The following PHF21A variants were observed in gnomAD, a reference collection of about 807,000 sequenced individuals.
PHF21A encodes PHD finger protein 21A, also known as BHC80a.
In PHF21A, 11 loss-of-function variants were observed where a neutral mutation model predicts 82.5. The ratio of observed to expected loss-of-function variants is 0.13; its 90% CI spans 0.08 to 0.22. The LOEUF is 0.22. Ranked by LOEUF, PHF21A falls within the 10% of genes least tolerant of loss-of-function variation. The pLI is 1.00. For synonymous variants in PHF21A, 297 were observed against 302.8 expected (o/e 0.98, Z 0.20); for missense variants, 579 against 837.8 (o/e 0.69, Z 3.81).
chr11:46,068,136 A>G (rs757845246), intron 6 of PHF21A, among the ~76,000 whole-genome samples: 1 of 152,176 alleles, frequency 6.6e-6, no homozygotes, highest in Non-Finnish European at 1.5e-5. Context: ...TGCTAAAGGT[A>G]TCAGTGCTAA....
At chr11:45,985,262 G>A (rs1025118638) in intron 6 of PHF21A, among the ~76,000 whole-genome samples, 2 of 152,238 alleles carry the variant, frequency 1.3e-5, no homozygotes, top group African/African-American at 4.8e-5. Context: ...GAAGGAGACA[G>A]GGCAGTCTTC....
chr11:46,110,988 TTG>T (rs1170899119), intron 1 of PHF21A, among the ~76,000 whole-genome samples: 1 of 151,478 alleles, frequency 6.6e-6, no homozygotes. Flanking sequence ...TTTTGCCATG[TTG>T]GCCAGGCTGG....
At chr11:46,104,891 G>A (rs2097137181) in intron 1 of PHF21A, among the ~76,000 whole-genome samples, 1 of 152,140 alleles carries the variant, frequency 6.6e-6, no homozygotes, top group African/African-American at 2.4e-5. Context: ...AACTTTAAGT[G>A]GTTATACTGA....
At chr11:46,033,566 T>C (rs150178295) in intron 6 of PHF21A, among the ~76,000 whole-genome samples, 1,751 of 152,280 alleles carry the variant, frequency 0.011, 29 homozygotes, top group African/African-American at 0.04. Flanking sequence ...GCTTAGCCCA[T>C]TTTCTGTTAT....
intron 1 of PHF21A, among the ~76,000 whole-genome samples, chr11:46,118,516 A>G (rs1170340824): frequency 6.6e-6 from 1 of 152,126 alleles, no homozygotes; most frequent in Non-Finnish European, 1.5e-5. Flanking sequence ...TCTTCACTTA[A>G]GGATAGTTGT....
Position 46,004,213 on chromosome 11 carries a change from G to A in PHF21A, c.154-24247C>T, listed in dbSNP as rs147282132. Among the ~76,000 whole-genome samples, 652 of 152,044 alleles carry A rather than the reference G, an allele frequency of 4.3e-3. 3 individuals carry two copies. The highest frequency in any genetic ancestry group is 7.0e-3 in the Non-Finnish European group (474 of 67,930). ...TTAAAATCATTGAATTATGCATACT[G>A]GTAAGAAATTTCATCCAATGTTCAT... On this transcript the variant is annotated intron_variant, in intron 6 of 18. Coordinates refer to ENST00000676320, the MANE Select transcript of PHF21A (RefSeq NM_001352027.3).
intron 6 of PHF21A, among the ~76,000 whole-genome samples, chr11:46,073,274 G>C (rs1239702816): frequency 6.6e-6 from 1 of 151,106 alleles, no homozygotes; most frequent in Non-Finnish European, 1.5e-5. Flanking sequence ...CTTGCAGTGA[G>C]CCAAGACAGC....
At chr11:46,111,730 G>GCCA (rs1214281708) in intron 1 of PHF21A, among the ~76,000 whole-genome samples, 1 of 152,108 alleles carries the variant, frequency 6.6e-6, no homozygotes, top group Non-Finnish European at 1.5e-5. Context: ...AAAGGAACCA[G>GCCA]CCATGCAAAT....
intron 6 of PHF21A, among the ~76,000 whole-genome samples, chr11:46,048,801 G>A (rs1372005877): frequency 6.6e-6 from 1 of 151,740 alleles, no homozygotes; most frequent in Non-Finnish European, 1.5e-5. Flanking sequence ...TTGTTTGAAC[G>A]TATGCTTTCA....
intron 6 of PHF21A, among the ~76,000 whole-genome samples, chr11:46,054,153 A>C: frequency 6.6e-6 from 1 of 152,340 alleles, no homozygotes; most frequent in South Asian, 2.1e-4. Context: ...TACACTAGTA[A>C]AAGTTGTATT....
chr11:46,022,455 T>C (rs1403912250), intron 6 of PHF21A, among the ~76,000 whole-genome samples: 1 of 151,876 alleles, frequency 6.6e-6, no homozygotes, highest in Admixed American at 6.5e-5. Context: ...ACCCTGTCTC[T>C]TAAAAAAAAA....
chr11:45,989,439 G>A (rs2094601213), intron 6 of PHF21A, among the ~76,000 whole-genome samples: 1 of 145,320 alleles, frequency 6.9e-6, no homozygotes, highest in East Asian at 2.0e-4. Flanking sequence ...CAGATCACAA[G>A]GTCAGGAGAT....
intron 6 of PHF21A, among the ~76,000 whole-genome samples, chr11:45,994,859 C>G (rs941678396): frequency 6.6e-6 from 1 of 152,200 alleles, no homozygotes; most frequent in African/African-American, 2.4e-5. Context: ...TCATCACACG[C>G]TTTGAATGTC....
In PHF21A at chr11:45,979,907, C is replaced by T. The variant is rs1297008795; in HGVS notation, c.213G>A (p.Lys71=). 7 of 1,614,174 alleles carry T rather than the reference C, an allele frequency of 4.3e-6. No homozygotes were observed. In the South Asian group the frequency reaches 7.7e-5, roughly 18 times the overall value. The change falls in exon 7 of 19, where the codon AAG becomes AAA. Residue 71 remains lysine (K), a synonymous_variant. Coordinates refer to ENST00000676320, the MANE Select transcript of PHF21A (RefSeq NM_001352027.3). ...ATTGTGGCAATGGCTGTATTTGGAA[C>T]TTGTCCGGTTGTTCTTGCTTTACTA... ...NLIVKQEQPD[K]FQIQPLPQSE... is the part of the protein sequence containing the mutation.
chr11:46,088,592 G>C (rs1017411610), intron 3 of PHF21A, among the ~76,000 whole-genome samples: 1 of 152,122 alleles, frequency 6.6e-6, no homozygotes, highest in Non-Finnish European at 1.5e-5. Context: ...CTCATCCCCA[G>C]GGTTCATTTG....
intron 10 of PHF21A, among the ~76,000 whole-genome samples, chr11:45,954,507 T>C (rs569163470): frequency 1.3e-5 from 2 of 152,238 alleles, no homozygotes; most frequent in African/African-American, 4.8e-5. Context: ...GTGGGCCATC[T>C]TGCAAGAGGC....
intron 10 of PHF21A, among the ~76,000 whole-genome samples, chr11:45,954,910 T>C (rs185249053): frequency 3.3e-4 from 51 of 152,278 alleles, no homozygotes; most frequent in African/African-American, 1.2e-3. Flanking sequence ...ATGCTGGAAA[T>C]ATTTTACTAG....
intron 6 of PHF21A, among the ~76,000 whole-genome samples, chr11:46,017,032 G>A (rs778478774): frequency 4.0e-5 from 6 of 151,858 alleles, no homozygotes; most frequent in South Asian, 4.2e-4. Context: ...GTGCAGTGGC[G>A]TGATTTTGGC....
intron 1 of PHF21A, among the ~76,000 whole-genome samples, chr11:46,103,259 T>A (rs1213920515): frequency 1.3e-5 from 2 of 152,182 alleles, no homozygotes; most frequent in Admixed American, 1.3e-4. Flanking sequence ...CACAATTCCA[T>A]TCAACCAACG....
Sources: allele counts gnomAD v4.1 joint callset (sites outside exome capture counted in the v4.1 genomes callset), GRCh38; gene constraint gnomAD v4.1.1; transcripts MANE v1.5; gene names NCBI Gene and HGNC (gene_info 2026-07-23, HGNC 2026-07-21).